Variants in GRM3 observed in about 807,000 individuals in gnomAD.
The protein encoded by GRM3 is metabotropic glutamate receptor 3.
A neutral mutation model predicts 70.5 loss-of-function variants in GRM3; 26 were observed. That is an observed-to-expected ratio of 0.37 (90% CI 0.27 to 0.51). GRM3 has a LOEUF of 0.51. GRM3 is among the 20% of genes least tolerant of loss of function. The pLI, the probability that GRM3 is intolerant of heterozygous loss-of-function variation, is 0.93. For synonymous variants in GRM3, 443 were observed against 434.9 expected (o/e 1.02, Z -0.23); for missense variants, 859 against 1,123.8 (o/e 0.76, Z 3.37).
At chr7:86,856,466 A>C (rs1798848853) in intron 5 of GRM3, among the ~76,000 whole-genome samples, 1 of 151,828 alleles carries the variant, frequency 6.6e-6, no homozygotes, top group Admixed American at 6.6e-5. Flanking sequence ...AAAAAAAAAA[A>C]AAAAAGTCCA....
intron 1 of GRM3, among the ~76,000 whole-genome samples, chr7:86,731,512 A>G (rs551180382): frequency 3.3e-5 from 5 of 152,342 alleles, no homozygotes; most frequent in Admixed American, 6.5e-5. Context: ...CTAATTTTAC[A>G]TGGTTTAACC....
intron 1 of GRM3, among the ~76,000 whole-genome samples, chr7:86,733,395 C>G (rs922026552): frequency 6.6e-6 from 1 of 151,776 alleles, no homozygotes; most frequent in Non-Finnish European, 1.5e-5. Context: ...AAGGGCTGAG[C>G]TTAGACTCAG....
chr7:86,692,395 C>T (rs944946941), intron 1 of GRM3, among the ~76,000 whole-genome samples: 1 of 152,200 alleles, frequency 6.6e-6, no homozygotes, highest in Non-Finnish European at 1.5e-5. Flanking sequence ...TCCTACCACA[C>T]TGATCTTGCT....
At chr7:86,850,572 T>G in intron 5 of GRM3, 28 bp downstream of exon 5, 1 of 1,466,312 alleles carries the variant, frequency 6.8e-7, no homozygotes, top group Non-Finnish European at 9.6e-7. Flanking sequence ...CACTAACTCC[T>G]TCATACATAG....
intron 1 of GRM3, among the ~76,000 whole-genome samples, chr7:86,663,786 A>G (rs189814438): frequency 6.6e-6 from 1 of 152,012 alleles, no homozygotes; most frequent in African/African-American, 2.4e-5. Flanking sequence ...CAGAATAATC[A>G]TATGTCTCAA....
rs367783120 is a variant in GRM3 at position 86,783,916 on chromosome 7, C to T, written c.469-2345C>T. Among the ~76,000 whole-genome samples the T allele has an allele frequency of 2.0e-5, 3 of 152,236 alleles. No individual in the cohort carries two copies. The East Asian group carries it at 5.8e-4, about 29-fold the overall frequency. On this transcript the variant is annotated intron_variant, in intron 2 of 5. Transcript: ENST00000361669. Reference sequence around the variant, plus strand: ...ACTATGTTCCAATTTCACGTTTCAACTCACCAAATGTGCCTCCTTTTTCTA... The same window carrying T: ...ACTATGTTCCAATTTCACGTTTCAATTCACCAAATGTGCCTCCTTTTTCTA...
At chr7:86,659,298 A>G (rs1331333271) in intron 1 of GRM3, among the ~76,000 whole-genome samples, 1 of 152,184 alleles carries the variant, frequency 6.6e-6, no homozygotes, top group Non-Finnish European at 1.5e-5. Flanking sequence ...TGTGAATAAC[A>G]ATAATTTTTA....
intron 3 of GRM3, among the ~76,000 whole-genome samples, chr7:86,829,611 T>C (rs10249376): frequency 0.052 from 7,925 of 152,086 alleles, 650 homozygotes; most frequent in African/African-American, 0.18. Flanking sequence ...AGGCCTGAGG[T>C]GATGGAGAGA....
At chr7:86,673,607 T>C (rs1794227876) in intron 1 of GRM3, among the ~76,000 whole-genome samples, 1 of 152,130 alleles carries the variant, frequency 6.6e-6, no homozygotes, top group Admixed American at 6.6e-5. Context: ...CTAAATGACA[T>C]ATATGTTTAT....
intron 5 of GRM3, among the ~76,000 whole-genome samples, chr7:86,855,101 CT>C (rs1798821990): frequency 6.6e-6 from 1 of 152,170 alleles, no homozygotes; most frequent in Non-Finnish European, 1.5e-5. Context: ...AGCAAACATC[CT>C]TTGTATATGG....
chr7:86,764,571 A>G (rs1562853114), intron 1 of GRM3, among the ~76,000 whole-genome samples: 1 of 152,148 alleles, frequency 6.6e-6, no homozygotes, highest in Non-Finnish European at 1.5e-5. Flanking sequence ...GGAAAGGGTA[A>G]GAGTCCATAA....
chr7:86,743,037 A>G (rs549872907), intron 1 of GRM3, among the ~76,000 whole-genome samples: 1 of 152,264 alleles, frequency 6.6e-6, no homozygotes, highest in Admixed American at 6.5e-5. Flanking sequence ...GTCAAATATC[A>G]TCTGATTCAT....
intron 1 of GRM3, among the ~76,000 whole-genome samples, chr7:86,666,430 A>T (rs764705265): frequency 6.6e-6 from 1 of 152,098 alleles, no homozygotes; most frequent in Non-Finnish European, 1.5e-5. Context: ...TTTAGAACTA[A>T]TATGTGGAAT....
intron 1 of GRM3, among the ~76,000 whole-genome samples, chr7:86,725,002 T>C (rs1263970542): frequency 6.6e-6 from 1 of 151,970 alleles, no homozygotes; most frequent in Non-Finnish European, 1.5e-5. Context: ...AGGTGGATCC[T>C]GGACATTAGC....
chr7:86,804,791 T>TGATAATAATAG, intron 3 of GRM3, among the ~76,000 whole-genome samples: 1 of 152,298 alleles, frequency 6.6e-6, no homozygotes, highest in Admixed American at 6.5e-5. Context: ...TTTCTATTAG[T>TGATAATAATAG]GATAATAGGA....
intron 1 of GRM3, among the ~76,000 whole-genome samples, chr7:86,737,803 CA>C (rs547153536): frequency 1.4e-4 from 21 of 148,928 alleles, no homozygotes; most frequent in South Asian, 4.3e-4. Flanking sequence ...TGTAAAGCAG[CA>C]AAAAAAAAGG....
Position 86,831,620 on chromosome 7 carries a change from T to A in GRM3, c.1325-7219T>A, listed in dbSNP as rs549837339. 4.6e-5 allele frequency among the ~76,000 whole-genome samples: 7 copies of A among 152,174 alleles called. No homozygotes were observed. The East Asian group carries it at 1.2e-3, about 25-fold the overall frequency. ...TTTCCCTATGCCCCTACCTCCCCAT[T>A]CTTCCTTCTTAGTCTGAGAGTAGAT... is the stretch of plus-strand genomic sequence containing the variant. On this transcript the variant is annotated intron_variant, in intron 3 of 5. Coordinates refer to ENST00000361669, the MANE Select transcript of GRM3 (RefSeq NM_000840.3).
At chr7:86,787,523 G>A (rs145365025) in intron 3 of GRM3, among the ~76,000 whole-genome samples, 2 of 152,162 alleles carry the variant, frequency 1.3e-5, no homozygotes, top group East Asian at 3.9e-4. Flanking sequence ...GGTGACTTGA[G>A]CAAAAGAATC....
At chr7:86,712,534 A>T (rs1795222544) in intron 1 of GRM3, among the ~76,000 whole-genome samples, 1 of 152,022 alleles carries the variant, frequency 6.6e-6, no homozygotes. Flanking sequence ...TGTACAATAG[A>T]TTATTGTAAA....
Sources: gnomAD v4.1 joint callset for allele counts (sites outside exome capture counted in the v4.1 genomes callset) on GRCh38, gnomAD v4.1.1 for gene constraint, MANE v1.5 for transcripts, NCBI Gene and HGNC (gene_info 2026-07-23, HGNC 2026-07-21) for gene names.